Variants in SLIT1 observed in about 807,000 individuals in gnomAD.
SLIT1 encodes the protein slit guidance ligand 1.
A neutral mutation model predicts 186.1 loss-of-function variants in SLIT1; 66 were observed. The ratio of observed to expected loss-of-function variants is 0.35; its 90% CI spans 0.29 to 0.44. SLIT1 has a LOEUF of 0.44. SLIT1 is among the 20% of genes least tolerant of loss of function. The pLI is 1.00. For synonymous variants in SLIT1, 761 were observed against 833.8 expected, an observed-to-expected ratio of 0.91 and a Z score of 1.50; for missense variants, 1,638 against 2,037.4, an observed-to-expected ratio of 0.80 and a Z score of 3.77.
chr10:97,085,942 C>T (rs1289285994), intron 4 of SLIT1, among the ~76,000 whole-genome samples: 1 of 152,208 alleles, frequency 6.6e-6, no homozygotes, highest in African/African-American at 2.4e-5. Flanking sequence ...GGCCAAAAGC[C>T]AGAGCACTGA....
rs537336103 is a variant in SLIT1, at chr10:97,047,675, G to A, written c.1634+15C>T. On this transcript the variant is annotated intron_variant, in intron 16 of 36. Coordinates refer to ENST00000266058, the MANE Select transcript of SLIT1 (RefSeq NM_003061.3). Reference sequence around the variant, plus strand: ...TTAGGGACAGGGGAGGGCTGGGGGGGCCAGGGACCCTCACAGTTCTGCCGT... The same window carrying A: ...TTAGGGACAGGGGAGGGCTGGGGGGACCAGGGACCCTCACAGTTCTGCCGT... 2.5e-6 allele frequency: 4 copies of A among 1,609,770 alleles called. No homozygotes were observed. The Admixed American group carries it at 5.0e-5, about 20-fold the overall frequency.
chr10:97,178,858 A>G (rs961089568), intron 1 of SLIT1, among the ~76,000 whole-genome samples: 4 of 152,174 alleles, frequency 2.6e-5, no homozygotes, highest in African/African-American at 7.2e-5. Flanking sequence ...GCACAAGTCC[A>G]TAAGTTTATT....
At chr10:97,112,011 C>T (rs1849469267) in intron 4 of SLIT1, among the ~76,000 whole-genome samples, 1 of 152,190 alleles carries the variant, frequency 6.6e-6, no homozygotes, top group African/African-American at 2.4e-5. Flanking sequence ...CCGAGCTTGC[C>T]CCTTCCCACT....
chr10:97,180,715 A>C (rs1260553899), intron 1 of SLIT1, among the ~76,000 whole-genome samples: 2 of 152,232 alleles, frequency 1.3e-5, no homozygotes. Flanking sequence ...TCCCAAGGGA[A>C]AGGGGCAGAG....
Position 97,068,078 on chromosome 10 carries a change from C to T in SLIT1, c.414-1992G>A, listed in dbSNP as rs909326096. Among the ~76,000 whole-genome samples the T allele has an allele frequency of 1.1e-4, 16 of 152,228 alleles. No homozygotes were observed. The highest frequency in any genetic ancestry group is 3.9e-4 in the African/African-American group (16 of 41,448). ...GAAGGCACTGGACCAGCTGCTGCTG[C>T]ACCCCAGCACCTAGGACAGTGCCTG... On this transcript the variant is annotated intron_variant, in intron 4 of 36. Transcript: ENST00000266058. This position sits in a 1 kb window ranked among gnomAD's most constrained non-coding sequence, Gnocchi z 4.2.
chr10:97,147,587 G>A (rs1171210426), intron 4 of SLIT1, among the ~76,000 whole-genome samples: 3 of 151,852 alleles, frequency 2.0e-5, no homozygotes, highest in African/African-American at 2.4e-5. Context: ...AGGCAGAGGT[G>A]GCCCATCTGT....
chr10:97,075,646 G>A (rs1349212005), intron 4 of SLIT1, among the ~76,000 whole-genome samples: 1 of 152,200 alleles, frequency 6.6e-6, no homozygotes, highest in African/African-American at 2.4e-5. Context: ...ATAAGTGGCT[G>A]CCCGGGATTC....
intron 4 of SLIT1, among the ~76,000 whole-genome samples, chr10:97,080,100 G>A (rs1044237491): frequency 3.9e-5 from 6 of 152,212 alleles, no homozygotes; most frequent in African/African-American, 1.2e-4. Flanking sequence ...GGTGCAGCCT[G>A]CAAAGCCCTT....
chr10:97,046,935 T>G (rs1189536585), intron 17 of SLIT1, 56 bp downstream of exon 17: 4 of 1,558,812 alleles, frequency 2.6e-6, no homozygotes, highest in Admixed American at 1.7e-5. Flanking sequence ...GGCATTTCCC[T>G]TGTCCATCCC....
intron 8 of SLIT1, among the ~76,000 whole-genome samples, chr10:97,063,038 G>T (rs974956125): frequency 6.6e-6 from 1 of 152,204 alleles, no homozygotes; most frequent in Admixed American, 6.5e-5. Context: ...GGAAAAGGGG[G>T]TGATAGCAGT....
intron 8 of SLIT1, among the ~76,000 whole-genome samples, chr10:97,063,102 C>A (rs924056039): frequency 6.6e-6 from 1 of 151,956 alleles, no homozygotes; most frequent in Admixed American, 6.6e-5. Context: ...AGAAAGAGAT[C>A]GGGGTGGAAC....
At position 97,006,923 on chromosome 10, in the gene SLIT1, C is replaced by T. The variant is rs1333677725; in HGVS notation, c.3342-203G>A. Among the ~76,000 whole-genome samples, 4 of 152,198 alleles carry T rather than the reference C, an allele frequency of 2.6e-5. No individual in the cohort carries two copies. The highest frequency in any genetic ancestry group is 1.9e-4 in the East Asian group (1 of 5,200). On this transcript the variant is annotated intron_variant, in intron 31 of 36. Transcript: ENST00000266058. This position sits in a 1 kb window ranked among gnomAD's most constrained non-coding sequence, Gnocchi z 4.0. ...ACAAGTATGGTCCCTGGTCCAGCAG[C>T]GTCAACATTACCTGGACACTTGATA...
chr10:97,071,237 T>C (rs1848998478), intron 4 of SLIT1, among the ~76,000 whole-genome samples: 1 of 152,100 alleles, frequency 6.6e-6, no homozygotes, highest in Admixed American at 6.5e-5. Context: ...CCTGCCACCT[T>C]TGCTGACCCA....
chr10:97,100,221 C>T (rs1042512105), intron 4 of SLIT1, among the ~76,000 whole-genome samples: 16 of 152,266 alleles, frequency 1.1e-4, no homozygotes, highest in African/African-American at 3.1e-4. Flanking sequence ...TGAGCTGGGA[C>T]CCGGCATGCA....
chr10:97,015,867 A>G (rs1369119421), intron 28 of SLIT1, among the ~76,000 whole-genome samples: 1 of 152,246 alleles, frequency 6.6e-6, no homozygotes, highest in Non-Finnish European at 1.5e-5. Context: ...CAGAGTACTC[A>G]AGAAAAGAGT....
chr10:97,155,429 G>C (rs1482975364), intron 4 of SLIT1: 1 of 152,412 alleles, frequency 6.6e-6, no homozygotes, highest in East Asian at 1.9e-4. Flanking sequence ...AAAGGAGGGA[G>C]GGAGTCCCCT....
chr10:97,024,610 T>A (rs540628392), intron 25 of SLIT1, among the ~76,000 whole-genome samples: 1 of 152,342 alleles, frequency 6.6e-6, no homozygotes, highest in African/African-American at 2.4e-5. Flanking sequence ...CTTTTTAAGA[T>A]AACAGGAATT....
intron 25 of SLIT1, among the ~76,000 whole-genome samples, chr10:97,028,309 T>C (rs942297530): frequency 1.1e-4 from 17 of 151,818 alleles, no homozygotes; most frequent in Admixed American, 9.2e-4. Context: ...TATGTCACCA[T>C]GGGCTTTCCA....
intron 23 of SLIT1, among the ~76,000 whole-genome samples, chr10:97,033,787 A>C (rs1312755062): frequency 6.6e-6 from 1 of 152,106 alleles, no homozygotes; most frequent in Non-Finnish European, 1.5e-5. Context: ...TAAAGTCAGG[A>C]CAGCAGCTGC....
Sources: gnomAD v4.1 joint callset for allele counts (sites outside exome capture counted in the v4.1 genomes callset) on GRCh38, gnomAD v4.1.1 for gene constraint, Gnocchi (gnomAD v3.1) non-coding constraint, MANE v1.5 for transcripts, NCBI Gene and HGNC (gene_info 2026-07-23, HGNC 2026-07-21) for gene names.